Variants in TCEA1 observed in about 807,000 individuals in gnomAD.
TCEA1 encodes the protein transcription elongation factor A1.
In TCEA1, 21 loss-of-function variants were observed where a neutral mutation model predicts 43.8. The ratio of observed to expected loss-of-function variants is 0.48; its 90% CI spans 0.34 to 0.69. The LOEUF (loss-of-function observed/expected upper bound fraction) is 0.69, where lower values mean the gene tolerates loss of function less well. Among genes scored for constraint, TCEA1 ranks in the 30% least tolerant of loss-of-function variants. The probability of loss-of-function intolerance (pLI) is 0.01; values close to 1 mark genes in which losing one functional copy is unlikely to be tolerated. For synonymous variants in TCEA1, 104 were observed against 117.5 expected (o/e 0.88, Z 0.75); for missense variants, 250 against 365.1 (o/e 0.68, Z 2.57).
chr8:54,019,975 T>C (rs984149529), intron 1 of TCEA1, among the ~76,000 whole-genome samples: 3 of 152,218 alleles, frequency 2.0e-5, no homozygotes, highest in Non-Finnish European at 2.9e-5. Context: ...TTTGTGGAGT[T>C]TATTCTCATT....
intron 1 of TCEA1, among the ~76,000 whole-genome samples, chr8:54,015,003 A>T (rs997411761): frequency 4.6e-5 from 7 of 152,204 alleles, no homozygotes; most frequent in African/African-American, 1.7e-4. Flanking sequence ...GTACAAAAAT[A>T]TACAAATAAT....
intron 1 of TCEA1, among the ~76,000 whole-genome samples, chr8:54,014,853 T>C (rs1804771063): frequency 1.3e-5 from 2 of 152,204 alleles, no homozygotes; most frequent in Non-Finnish European, 2.9e-5. Context: ...ATGTTATTTG[T>C]CCTTTTCAAG....
intron 2 of TCEA1, chr8:54,003,170 T>C: frequency 2.4e-6 from 1 of 409,330 alleles, no homozygotes; most frequent in East Asian, 7.2e-5. Context: ...AACACACATA[T>C]ATAAAAGAAA....
intron 4 of TCEA1, among the ~76,000 whole-genome samples, chr8:53,989,176 T>C (rs553640498): frequency 3.2e-4 from 49 of 152,284 alleles, no homozygotes; most frequent in South Asian, 3.1e-3. Context: ...GGCTACAAAA[T>C]GGTGTGTTTC....
chr8:54,022,284 C>A lies in TCEA1; in HGVS notation c.-159G>T. On this transcript the variant is annotated 5_prime_UTR_variant, in exon 1 of 10. Coordinates refer to ENST00000521604, the MANE Select transcript of TCEA1 (RefSeq NM_006756.4). The stretch of plus-strand genomic sequence containing the variant: ...TCCTTACGAACGAAGCCCGCGGCGG[C>A]GGCGGCGGCGGCGGCGGCTCCGGCT... 3.8e-6 allele frequency: 3 copies of A among 786,260 alleles called. No homozygotes were observed. The highest frequency in any genetic ancestry group is 6.1e-6 in the Non-Finnish European group (3 of 489,116). 48.7% of individuals were successfully genotyped at this position (786,260 alleles called of 1,614,324 possible).
intron 2 of TCEA1, among the ~76,000 whole-genome samples, chr8:54,004,593 A>C (rs141708356): frequency 6.6e-6 from 1 of 152,304 alleles, no homozygotes; most frequent in Non-Finnish European, 1.5e-5. Flanking sequence ...AGAGACAGAA[A>C]GATTAGTGGT....
intron 8 of TCEA1, among the ~76,000 whole-genome samples, chr8:53,977,384 C>T (rs1189291612): frequency 3.3e-5 from 5 of 152,172 alleles, no homozygotes; most frequent in Non-Finnish European, 7.4e-5. Flanking sequence ...TCACAACAAA[C>T]TAGTAACCTT....
At chr8:53,990,332 G>A (rs1465938817) in intron 4 of TCEA1, among the ~76,000 whole-genome samples, 3 of 150,388 alleles carry the variant, frequency 2.0e-5, no homozygotes, top group Non-Finnish European at 3.0e-5. Flanking sequence ...TTGAGCCACC[G>A]TGCCAGGCCC....
Position 53,993,672 on chromosome 8 carries a change from C to G in TCEA1, c.316G>C (p.Glu106Gln). Reference sequence around the variant, plus strand: ...TATGTCTATACTGTGAAGTACCTTTCTTCTCTTGCCTCAGGGCTGTTCTGC... The same window carrying G: ...TATGTCTATACTGTGAAGTACCTTTGTTCTCTTGCCTCAGGGCTGTTCTGC... ...TSQNSPEARE[E>Q]STSSGNVSNR... is the part of the protein sequence containing the mutation. The change falls in exon 4 of 10, where the codon GAA (glutamate) becomes CAA (glutamine). Residue 106 changes from glutamate (E) to glutamine (Q), a missense_variant. Glu to Gln is a conservative substitution (Grantham distance 29). Transcript: ENST00000521604. 1 of 1,611,412 alleles carries G rather than the reference C, an allele frequency of 6.2e-7. No homozygotes were observed. The highest frequency in any genetic ancestry group is 1.1e-5 in the South Asian group (1 of 90,402).
intron 4 of TCEA1, among the ~76,000 whole-genome samples, chr8:53,991,762 G>C (rs1393937053): frequency 2.0e-5 from 3 of 151,490 alleles, no homozygotes; most frequent in East Asian, 1.9e-4. Flanking sequence ...AACTATTCCA[G>C]ATTTAAGAAA....
At chr8:54,019,689 C>T (rs931319565) in intron 1 of TCEA1, among the ~76,000 whole-genome samples, 3 of 151,188 alleles carry the variant, frequency 2.0e-5, no homozygotes, top group East Asian at 3.9e-4. Context: ...ACCCCTAAAA[C>T]ACATTTTGTT....
intron 3 of TCEA1, among the ~76,000 whole-genome samples, chr8:53,995,944 T>C (rs769009640): frequency 6.6e-6 from 1 of 152,222 alleles, no homozygotes; most frequent in Non-Finnish European, 1.5e-5. Flanking sequence ...CTCCTTGTTA[T>C]TCTCAATAAT....
intron 3 of TCEA1, 25 bp downstream of exon 3, chr8:53,999,920 A>T (rs917546140): frequency 3.7e-6 from 5 of 1,354,064 alleles, no homozygotes; most frequent in Middle Eastern, 1.8e-4. Context: ...CATCATAAAT[A>T]TATGTAAGGG....
At chr8:53,977,433 CAA>C (rs1466810216) in intron 8 of TCEA1, among the ~76,000 whole-genome samples, 1 of 152,188 alleles carries the variant, frequency 6.6e-6, no homozygotes, top group Non-Finnish European at 1.5e-5. Context: ...TGGCCACAGG[CAA>C]AAGTGGGAAT....
chr8:53,974,677 G>A (rs545883518), intron 8 of TCEA1, among the ~76,000 whole-genome samples: 17 of 152,078 alleles, frequency 1.1e-4, no homozygotes, highest in African/African-American at 1.9e-4. Context: ...ACAGGCAAGC[G>A]CCAACACGCC....
chr8:53,990,672 A>C (rs1803847789), intron 4 of TCEA1, among the ~76,000 whole-genome samples: 1 of 152,122 alleles, frequency 6.6e-6, no homozygotes, highest in African/African-American at 2.4e-5. Context: ...CCAAAAACCC[A>C]GTTCTTAAAC....
chr8:54,012,419 G>T (rs1804679574), intron 1 of TCEA1, among the ~76,000 whole-genome samples: 1 of 152,136 alleles, frequency 6.6e-6, no homozygotes, highest in Admixed American at 6.5e-5. Flanking sequence ...AATTAGCTGG[G>T]CGTGGTGGCG....
At chr8:54,002,673 T>C (rs550473203) in intron 2 of TCEA1, among the ~76,000 whole-genome samples, 1 of 152,082 alleles carries the variant, frequency 6.6e-6, no homozygotes, top group Non-Finnish European at 1.5e-5. Context: ...TTCCTAAAAT[T>C]GGTATGCTAA....
At chr8:54,014,704 G>T (rs997311823) in intron 1 of TCEA1, among the ~76,000 whole-genome samples, 1 of 152,178 alleles carries the variant, frequency 6.6e-6, no homozygotes, top group Non-Finnish European at 1.5e-5. Flanking sequence ...GACCATGTAG[G>T]ATACGAACAT....
Sources: gnomAD v4.1 joint callset for allele counts (sites outside exome capture counted in the v4.1 genomes callset) on GRCh38, gnomAD v4.1.1 for gene constraint, MANE v1.5 for transcripts, NCBI Gene and HGNC (gene_info 2026-07-23, HGNC 2026-07-21) for gene names.